Variants in C5 observed in about 807,000 individuals in gnomAD.
C5 encodes complement C5.
Under a neutral mutation model 218.8 loss-of-function variants are expected in C5, and 140 were observed. That is an observed-to-expected ratio of 0.64 (90% CI 0.56 to 0.74). The LOEUF (loss-of-function observed/expected upper bound fraction) is 0.74, where lower values mean the gene tolerates loss of function less well. Ranked by LOEUF, C5 falls within the 30% of genes least tolerant of loss-of-function variation. The pLI is 0.00. For missense variants in C5, 1,700 were observed against 1,969.6 expected (o/e 0.86, Z 2.59); for synonymous variants, 614 against 682.3 (o/e 0.90, Z 1.56).
chr9:121,002,148 A>G (rs1231470304), intron 20 of C5, among the ~76,000 whole-genome samples: 1 of 148,036 alleles, frequency 6.8e-6, no homozygotes, highest in East Asian at 1.9e-4. Flanking sequence ...ATGTATGTAT[A>G]TATGTATAGA....
intron 20 of C5, chr9:120,999,920 A>C (rs911850858): frequency 2.2e-6 from 1 of 450,684 alleles, no homozygotes; most frequent in Non-Finnish European, 4.4e-6. Flanking sequence ...TTGGCTGGGC[A>C]TGGTGGTGTG....
In C5 at chr9:120,969,122, G is replaced by A; in HGVS notation, c.4163-4C>T. 1 of 1,612,900 alleles carries A rather than the reference G, an allele frequency of 6.2e-7. No individual in the cohort carries two copies. The highest frequency in any genetic ancestry group is 8.5e-7 in the Non-Finnish European group (1 of 1,178,916). On this transcript the variant is annotated splice_region_variant and splice_polypyrimidine_tract_variant and intron_variant, in intron 32 of 40. Transcript: ENST00000223642. ...CCGTAGCCTCTGTAGTGGGATGCTG[G>A]CACATAAGACAAGAAAACAAACAGA...
the C5 span, among the ~76,000 whole-genome samples, chr9:121,058,447 A>T: frequency 3.3e-5 from 5 of 150,478 alleles, no homozygotes; most frequent in South Asian, 2.1e-4. Context: ...TATATATAAA[A>T]TTTTTTTTTT....
chr9:121,041,594 A>G (rs919929181), intron 3 of C5, among the ~76,000 whole-genome samples: 1 of 151,876 alleles, frequency 6.6e-6, no homozygotes, highest in African/African-American at 2.4e-5. Flanking sequence ...TGAGACATGA[A>G]GCCATTCTTA....
chr9:120,955,163 TGCCACAATTCTTCTGTAAGTA>T (rs1440207248), intron 39 of C5, among the ~76,000 whole-genome samples: 1 of 152,232 alleles, frequency 6.6e-6, no homozygotes, highest in Non-Finnish European at 1.5e-5. Context: ...ATGGTCACTG[TGCCACAATTCTTCTGTAAGTA>T]GTGTGTGGTA....
chr9:121,074,569 G>T, the C5 span, among the ~76,000 whole-genome samples: 3 of 152,244 alleles, frequency 2.0e-5, no homozygotes, highest in Non-Finnish European at 2.9e-5. Flanking sequence ...GCAAGCATCA[G>T]AAGTGGGGGA....
At chr9:121,037,676 A>T (rs773898488) in intron 4 of C5, among the ~76,000 whole-genome samples, 3 of 152,182 alleles carry the variant, frequency 2.0e-5, no homozygotes, top group Non-Finnish European at 2.9e-5. Context: ...AAAATCCTTC[A>T]AGTTATTGAA....
At chr9:121,041,425 C>T (rs887309076) in intron 3 of C5, among the ~76,000 whole-genome samples, 5 of 150,452 alleles carry the variant, frequency 3.3e-5, no homozygotes, top group African/African-American at 1.2e-4. Context: ...CTGCCTCAGC[C>T]TCCAGAGTAG....
At position 121,000,565 on chromosome 9, in the gene C5, T is replaced by C. The variant is rs866601380; in HGVS notation, c.2563-2791A>G. On this transcript the variant is annotated intron_variant, in intron 20 of 40. Transcript: ENST00000223642. ...GGAAAAGCATGAATTCCTTAACAAATACTGCTGGATCATCTGGCTATTTGG... is the reference window on the plus strand; with the variant it reads ...GGAAAAGCATGAATTCCTTAACAAACACTGCTGGATCATCTGGCTATTTGG... Among the ~76,000 whole-genome samples the C allele has an allele frequency of 2.0e-5, 3 of 152,332 alleles. No individual in the cohort carries two copies. The Middle Eastern group carries it at 0.01, about 518-fold the overall frequency.
intron 29 of C5, among the ~76,000 whole-genome samples, chr9:120,975,821 C>G (rs549702238): frequency 6.6e-6 from 1 of 152,162 alleles, no homozygotes; most frequent in East Asian, 1.9e-4. Context: ...ACACAATGGA[C>G]TAAGGCAATG....
In C5 at chr9:120,961,529, A is replaced by G. The variant is rs1190664271; in HGVS notation, c.4541T>C (p.Ile1514Thr). The change falls in exon 37 of 41, where the codon ATC becomes ACC. Residue 1514 changes from isoleucine (I) to threonine (T), a missense_variant. Physicochemically the swap from Ile to Thr is moderately conservative, Grantham distance 89. Transcript: ENST00000223642. Reference protein sequence around the residue: ...QCTMFYSTSNIKIQKVCEGAA... With the variant: ...QCTMFYSTSNTKIQKVCEGAA... Reference sequence around the variant, plus strand: ...TCCTTCACAGACTTTCTGAATTTTGATATTGGAAGTGCTATAAAACATGGT... The same window carrying G: ...TCCTTCACAGACTTTCTGAATTTTGGTATTGGAAGTGCTATAAAACATGGT... 6.2e-7 allele frequency: 1 copy of G among 1,613,198 alleles called. No individual in the cohort carries two copies.
intron 31 of C5, among the ~76,000 whole-genome samples, chr9:120,971,598 C>A (rs962408230): frequency 2.6e-5 from 4 of 152,010 alleles, no homozygotes; most frequent in Admixed American, 1.3e-4. Flanking sequence ...CCACCATGCC[C>A]GGCTAATTTT....
upstream of C5, among the ~76,000 whole-genome samples, chr9:121,054,036 A>G: frequency 6.6e-6 from 1 of 152,106 alleles, no homozygotes. Context: ...TATTGACTGA[A>G]TGAACTCCCA....
At chr9:121,060,738 G>T in the C5 span, among the ~76,000 whole-genome samples, 7 of 151,922 alleles carry the variant, frequency 4.6e-5, no homozygotes, top group Non-Finnish European at 1.0e-4. Context: ...ATGCTTTCTG[G>T]ATCTCTTCAT....
chr9:120,971,717 G>A (rs946729295), intron 31 of C5, among the ~76,000 whole-genome samples: 4 of 152,322 alleles, frequency 2.6e-5, no homozygotes, highest in Non-Finnish European at 2.9e-5. Context: ...GATTAAAGGC[G>A]TGAGCCACCA....
chr9:120,964,323 CA>C (rs959624380), intron 33 of C5, among the ~76,000 whole-genome samples: 1 of 151,892 alleles, frequency 6.6e-6, no homozygotes, highest in African/African-American at 2.4e-5. Context: ...ACTAAAAATA[CA>C]AAAAAAATTA....
intron 1 of C5, among the ~76,000 whole-genome samples, chr9:121,047,706 T>A (rs1250399263): frequency 2.6e-5 from 4 of 152,198 alleles, no homozygotes; most frequent in Admixed American, 2.6e-4. Flanking sequence ...CTTTAAAGCA[T>A]CTGACAGTTA....
chr9:121,047,541 C>T (rs190628649), intron 1 of C5, among the ~76,000 whole-genome samples: 9 of 152,264 alleles, frequency 5.9e-5, no homozygotes, highest in East Asian at 1.9e-4. Context: ...GCATAGTGAT[C>T]GACTAATTCA....
chr9:120,969,350 T>C (rs1333889724), intron 32 of C5, among the ~76,000 whole-genome samples: 3 of 131,728 alleles, frequency 2.3e-5, no homozygotes, highest in Non-Finnish European at 4.9e-5. Flanking sequence ...AAATAACTTA[T>C]AATTTAATGA....
Sources: gnomAD v4.1 joint callset for allele counts (sites outside exome capture counted in the v4.1 genomes callset) on GRCh38, gnomAD v4.1.1 for gene constraint, MANE v1.5 for transcripts, NCBI Gene and HGNC (gene_info 2026-07-23, HGNC 2026-07-21) for gene names.